Variants in TANC2 observed in about 807,000 individuals in gnomAD.
TANC2 encodes the protein tetratricopeptide repeat, ankyrin repeat and coiled-coil containing 2, also known as protein TANC2.
Under a neutral mutation model 210.5 loss-of-function variants are expected in TANC2, and 26 were observed. The ratio of observed to expected loss-of-function variants is 0.12; its 90% CI spans 0.09 to 0.17. The LOEUF (loss-of-function observed/expected upper bound fraction) is 0.17, where lower values mean the gene tolerates loss of function less well. TANC2 is among the 10% of genes least tolerant of loss of function. TANC2 has a pLI of 1.00. For missense variants in TANC2, 2,129 were observed against 2,608.9 expected, an observed-to-expected ratio of 0.82 and a Z score of 4.01; for synonymous variants, 931 against 967.1, an observed-to-expected ratio of 0.96 and a Z score of 0.69.
At position 63,192,748 on chromosome 17, in the gene TANC2, G is replaced by A. The variant is rs2041226165; in HGVS notation, c.434-1243G>A. ...AGAAAGTGGAATCTAAAGTTATGAA[G>A]GTTAAGCTAATATATGTAAAGTGTT... is the stretch of plus-strand genomic sequence containing the variant. On this transcript the variant is annotated intron_variant, in intron 5 of 27. Transcript: ENST00000689528. Among the ~76,000 whole-genome samples the A allele has an allele frequency of 1.3e-5, 2 of 152,146 alleles. 1 individual carries two copies. Among genetic ancestry groups the A allele is most frequent in the South Asian group, 4.1e-4 (2 of 4,830 alleles).
intron 5 of TANC2, among the ~76,000 whole-genome samples, chr17:63,179,528 C>CACT (rs1283500496): frequency 1.3e-5 from 2 of 152,136 alleles, no homozygotes; most frequent in Admixed American, 6.5e-5. Flanking sequence ...TTACAGTCAT[C>CACT]ACTACTACTA....
rs1158768609 is a variant in TANC2, at chr17:63,205,344, CAAAAAAAAAAAA to C, written c.769+4404_769+4415del. 2.5e-3 allele frequency among the ~76,000 whole-genome samples: 20 copies of C among 8,070 alleles called. 1 individual carries two copies. Among genetic ancestry groups the C allele is most frequent in the East Asian group, 0.013 (4 of 302 alleles). The allele number at this position is 8,070 out of a possible 152,430, so 5.3% of individuals were successfully genotyped here. ...ACTGCTCAAAATTTAACCAAGGAGG[CAAAAAAAAAAAA>C]AAAAAAAAAAAAAAAACCTCATACA... On this transcript the variant is annotated intron_variant, in intron 7 of 27. Coordinates refer to ENST00000689528, the Ensembl canonical transcript of TANC2.
At chr17:63,016,408 C>T (rs941263987) in intron 2 of TANC2, among the ~76,000 whole-genome samples, 1 of 152,150 alleles carries the variant, frequency 6.6e-6, no homozygotes, top group Non-Finnish European at 1.5e-5. Flanking sequence ...AACCCTGTCT[C>T]TACAAAAAAA....
chr17:63,219,148 A>G (rs896550112), intron 7 of TANC2, among the ~76,000 whole-genome samples: 13 of 152,346 alleles, frequency 8.5e-5, no homozygotes, highest in Non-Finnish European at 8.8e-5. Context: ...CAAAGATCAC[A>G]GTACTCCATA....
At chr17:63,157,372 T>C (rs1256495672) in intron 5 of TANC2, among the ~76,000 whole-genome samples, 1 of 152,252 alleles carries the variant, frequency 6.6e-6, no homozygotes, top group Non-Finnish European at 1.5e-5. Context: ...TCACAAAATC[T>C]GAAGGCTTGG....
intron 17 of TANC2, among the ~76,000 whole-genome samples, 165 bp from the exon 18 acceptor site, chr17:63,395,578 A>G (rs1268994001): frequency 6.6e-6 from 1 of 152,214 alleles, no homozygotes; most frequent in African/African-American, 2.4e-5. Flanking sequence ...GTAGCTCAGT[A>G]ATAATCTAGG....
At chr17:63,388,688 C>G in exon 16 of TANC2, 2 of 1,605,940 alleles carry the variant, frequency 1.2e-6, no homozygotes, top group Non-Finnish European at 1.7e-6. Flanking sequence ...GTCTCTGGAT[C>G]TCTTATAGCA....
intron 14 of TANC2, among the ~76,000 whole-genome samples, chr17:63,372,059 C>CT (rs1002478247): frequency 4.6e-5 from 7 of 152,174 alleles, no homozygotes; most frequent in African/African-American, 1.7e-4. Context: ...AGGGAGAGTG[C>CT]TGGGGGAAGG....
chr17:63,179,739 T>G (rs1048191265), intron 5 of TANC2, among the ~76,000 whole-genome samples: 3 of 152,086 alleles, frequency 2.0e-5, no homozygotes, highest in African/African-American at 7.2e-5. Context: ...ATCCATTAAT[T>G]TCAAGTACAC....
At chr17:63,308,631 A>G (rs1461703225) in intron 9 of TANC2, among the ~76,000 whole-genome samples, 1 of 152,228 alleles carries the variant, frequency 6.6e-6, no homozygotes. Context: ...AACTACATAT[A>G]CTTTGTTTTC....
chr17:63,009,451 CAT>C, intron 1 of TANC2, 84 bp from the exon 2 acceptor site: 1 of 835,262 alleles, frequency 1.2e-6, no homozygotes, highest in Non-Finnish European at 1.9e-6. Flanking sequence ...GTTATTAAAA[CAT>C]GTATAGTTAT....
intron 4 of TANC2, among the ~76,000 whole-genome samples, chr17:63,146,371 T>A (rs1226778638): frequency 6.6e-6 from 1 of 152,160 alleles, no homozygotes; most frequent in Non-Finnish European, 1.5e-5. Context: ...CTTTCTACTT[T>A]GGATGCCTTG....
At chr17:62,997,577 G>A (rs2033177742) in intron 1 of TANC2, among the ~76,000 whole-genome samples, 1 of 152,072 alleles carries the variant, frequency 6.6e-6, no homozygotes, top group Non-Finnish European at 1.5e-5. Flanking sequence ...GAGATTGTAT[G>A]GATTGACTGG....
intron 7 of TANC2, among the ~76,000 whole-genome samples, chr17:63,227,179 C>G (rs896851707): frequency 5.9e-5 from 9 of 152,172 alleles, no homozygotes; most frequent in Admixed American, 5.9e-4. Context: ...AATTGCCACA[C>G]TGTCTTCCAC....
chr17:63,373,556 T>C (rs938351612), intron 14 of TANC2, among the ~76,000 whole-genome samples: 1 of 152,242 alleles, frequency 6.6e-6, no homozygotes, highest in Non-Finnish European at 1.5e-5. Flanking sequence ...CTAGCTCTTT[T>C]ACTTCCTAGG....
At chr17:63,106,616 T>A (rs997293393) in intron 4 of TANC2, among the ~76,000 whole-genome samples, 1 of 151,536 alleles carries the variant, frequency 6.6e-6, no homozygotes, top group Non-Finnish European at 1.5e-5. Flanking sequence ...TGAAAAGAGG[T>A]ATCAGAGGAA....
intron 7 of TANC2, among the ~76,000 whole-genome samples, chr17:63,228,952 C>A (rs2042398242): frequency 6.6e-6 from 1 of 152,182 alleles, no homozygotes; most frequent in South Asian, 2.1e-4. Context: ...CTGGCCAGAG[C>A]TTCCAATACT....
intron 2 of TANC2, among the ~76,000 whole-genome samples, chr17:63,038,358 A>T (rs1193369056): frequency 6.6e-6 from 1 of 152,200 alleles, no homozygotes; most frequent in African/African-American, 2.4e-5. Flanking sequence ...TAGCATTTCC[A>T]GGATAAACCC....
chr17:63,282,522 G>T (rs2044090382), intron 9 of TANC2, among the ~76,000 whole-genome samples: 1 of 152,038 alleles, frequency 6.6e-6, no homozygotes, highest in Non-Finnish European at 1.5e-5. Flanking sequence ...TGATCAAGTG[G>T]TTTCACCATT....
Sources: gnomAD v4.1 joint callset for allele counts (sites outside exome capture counted in the v4.1 genomes callset) on GRCh38, gnomAD v4.1.1 for gene constraint, MANE v1.5 for transcripts, NCBI Gene and HGNC (gene_info 2026-07-23, HGNC 2026-07-21) for gene names.